ZC3H12B: variants seen among roughly 807,000 people sequenced by gnomAD.
ZC3H12B encodes probable ribonuclease ZC3H12B.
In ZC3H12B, 7 loss-of-function variants were observed where a neutral mutation model predicts 43.9. That is an observed-to-expected ratio of 0.16 (90% CI 0.09 to 0.30). The LOEUF is 0.30. Ranked by LOEUF, ZC3H12B falls within the 10% of genes least tolerant of loss-of-function variation. The probability of loss-of-function intolerance (pLI) is 1.00; values close to 1 mark genes in which losing one functional copy is unlikely to be tolerated. For synonymous variants in ZC3H12B, 222 were observed against 241.7 expected, an observed-to-expected ratio of 0.92 and a Z score of 0.76; for missense variants, 475 against 670.2, an observed-to-expected ratio of 0.71 and a Z score of 3.22.
At chrX:65,429,490 A>T (rs900640454) in intron 3 of ZC3H12B, among the ~76,000 whole-genome samples, 3 of 112,574 alleles carry the variant, frequency 2.7e-5, no homozygotes, top group Non-Finnish European at 5.6e-5. Flanking sequence ...ACCGGTAAGG[A>T]GGAATAGATT....
chrX:65,158,870 T>G, the ZC3H12B span, among the ~76,000 whole-genome samples: 4 of 112,178 alleles, frequency 3.6e-5, no homozygotes, highest in African/African-American at 1.3e-4. Context: ...TGAATGGTAA[T>G]GCCTAAGTTT....
the ZC3H12B span, among the ~76,000 whole-genome samples, chrX:65,138,711 A>G: frequency 8.9e-6 from 1 of 112,010 alleles, no homozygotes; most frequent in Non-Finnish European, 1.9e-5. Context: ...CCAACAGTGC[A>G]CAAAGATTTC....
At chrX:65,051,088 G>A in the ZC3H12B span, among the ~76,000 whole-genome samples, 1 of 111,196 alleles carries the variant, frequency 9.0e-6, no homozygotes, top group Admixed American at 9.6e-5. Flanking sequence ...GCGTTGGTAG[G>A]TTATAGAGTT....
chrX:65,441,244 C>T (rs1205482107), intron 3 of ZC3H12B, among the ~76,000 whole-genome samples: 1 of 111,335 alleles, frequency 9.0e-6, no homozygotes, highest in Non-Finnish European at 1.9e-5. Context: ...TCCATCAGGC[C>T]CCTCCCAATG....
chrX:65,406,829 G>C (rs1161212070), intron 3 of ZC3H12B, among the ~76,000 whole-genome samples: 1 of 112,709 alleles, frequency 8.9e-6, no homozygotes, highest in Non-Finnish European at 1.9e-5. Flanking sequence ...ACGGCCGGGC[G>C]GGACCCGCGC....
the ZC3H12B span, among the ~76,000 whole-genome samples, chrX:65,217,628 A>C: frequency 8.9e-6 from 1 of 112,558 alleles, no homozygotes; most frequent in Non-Finnish European, 1.9e-5. Flanking sequence ...TAATTTTAAC[A>C]AGTAGAAATT....
At chrX:65,447,709 C>T (rs1363279377) in intron 3 of ZC3H12B, among the ~76,000 whole-genome samples, 1 of 111,542 alleles carries the variant, frequency 9.0e-6, no homozygotes, top group Non-Finnish European at 1.9e-5. Context: ...GGACTAATAT[C>T]CAGAACTACA....
the ZC3H12B span, among the ~76,000 whole-genome samples, chrX:65,232,502 T>C: frequency 2.5e-4 from 28 of 112,034 alleles, no homozygotes; most frequent in Non-Finnish European, 4.9e-4. Flanking sequence ...ATTTTGCTTT[T>C]CATTGTGATC....
At chrX:65,102,821 A>G in the ZC3H12B span, among the ~76,000 whole-genome samples, 7 of 111,715 alleles carry the variant, frequency 6.3e-5, no homozygotes, top group African/African-American at 2.3e-4. Context: ...GGGAGACATC[A>G]CATGTCGGCA....
chrX:65,245,189 C>T, the ZC3H12B span, among the ~76,000 whole-genome samples: 26 of 111,694 alleles, frequency 2.3e-4, no homozygotes, highest in East Asian at 6.2e-3. Context: ...CAAGACTAAA[C>T]CAGGGAGAAA....
chrX:65,099,556 T>C, the ZC3H12B span, among the ~76,000 whole-genome samples: 425 of 111,601 alleles, frequency 3.8e-3, 4 homozygotes, highest in African/African-American at 0.013. Flanking sequence ...TGCTGTTCTG[T>C]AGCCTCTGCT....
At chrX:65,086,814 T>G in the ZC3H12B span, among the ~76,000 whole-genome samples, 25,667 of 111,236 alleles carry the variant, frequency 0.23, 7,173 homozygotes, top group African/African-American at 0.8. Flanking sequence ...TGTTATAGCA[T>G]CCCAAACAGA....
intron 2 of ZC3H12B, among the ~76,000 whole-genome samples, chrX:65,387,903 T>G (rs756307428): frequency 8.9e-6 from 1 of 112,446 alleles, no homozygotes; most frequent in Non-Finnish European, 1.9e-5. Flanking sequence ...CTTATGAAGC[T>G]TAGTTTGGCT....
chrX:65,111,821 C>G, the ZC3H12B span, among the ~76,000 whole-genome samples: 3 of 110,588 alleles, frequency 2.7e-5, no homozygotes, highest in Non-Finnish European at 3.8e-5. Context: ...CATGGACTGG[C>G]CATTAACCCC....
At chrX:65,451,548 C>T (rs936140171) in intron 3 of ZC3H12B, among the ~76,000 whole-genome samples, 34 of 110,822 alleles carry the variant, frequency 3.1e-4, no homozygotes, top group African/African-American at 9.9e-4. Flanking sequence ...CACTATGTTG[C>T]TCAGGCTGCT....
chrX:65,202,137 T>C, the ZC3H12B span, among the ~76,000 whole-genome samples: 2 of 74,774 alleles, frequency 2.7e-5, no homozygotes, highest in Non-Finnish European at 4.1e-5. Flanking sequence ...ATATATATTT[T>C]ATATAATATG....
At chrX:65,183,084 A>G in the ZC3H12B span, among the ~76,000 whole-genome samples, 1 of 112,198 alleles carries the variant, frequency 8.9e-6, no homozygotes, top group African/African-American at 3.2e-5. Flanking sequence ...TTGTACCCAA[A>G]GGAATGTAAA....
At chrX:65,170,554 G>C in the ZC3H12B span, among the ~76,000 whole-genome samples, 1 of 111,342 alleles carries the variant, frequency 9.0e-6, no homozygotes, top group Non-Finnish European at 1.9e-5. Context: ...GGCATTCTCT[G>C]TATTTCCTGA....
chrX:65,125,840 A>T, the ZC3H12B span, among the ~76,000 whole-genome samples: 56 of 110,871 alleles, frequency 5.1e-4, no homozygotes, highest in Non-Finnish European at 5.5e-4. Flanking sequence ...CCACCCCTTT[A>T]TCTTAAGTTT....
Sources: gnomAD v4.1 joint callset for allele counts (sites outside exome capture counted in the v4.1 genomes callset) on GRCh38, gnomAD v4.1.1 for gene constraint, MANE v1.5 for transcripts, NCBI Gene and HGNC (gene_info 2026-07-23, HGNC 2026-07-21) for gene names.